Variants in CEP85L observed in about 807,000 individuals in gnomAD.
CEP85L encodes centrosomal protein of 85 kDa-like.
A neutral mutation model predicts 100.3 loss-of-function variants in CEP85L; 60 were observed. That is an observed-to-expected ratio of 0.60 (90% CI 0.49 to 0.74). The LOEUF (loss-of-function observed/expected upper bound fraction) is 0.74. Ranked by LOEUF, CEP85L falls within the 30% of genes least tolerant of loss-of-function variation. The probability of loss-of-function intolerance (pLI) is 0.00; values close to 1 mark genes in which losing one functional copy is unlikely to be tolerated. For missense variants in CEP85L, 973 were observed against 936.2 expected (o/e 1.04, Z -0.51); for synonymous variants, 319 against 322.7 (o/e 0.99, Z 0.12).
intron 1 of CEP85L, among the ~76,000 whole-genome samples, chr6:118,694,227 G>A (rs2114327689): frequency 6.6e-6 from 1 of 152,260 alleles, no homozygotes; most frequent in African/African-American, 2.4e-5. Flanking sequence ...ACTGCATCCA[G>A]CTTCAAGTCC....
chr6:118,630,990 C>T (rs914852989), intron 2 of CEP85L, among the ~76,000 whole-genome samples: 18 of 152,206 alleles, frequency 1.2e-4, no homozygotes, highest in African/African-American at 3.6e-4. Flanking sequence ...CACCCTGGTC[C>T]GTGGAAAAAC....
At chr6:118,689,609 T>C (rs1418491888) in intron 1 of CEP85L, among the ~76,000 whole-genome samples, 1 of 152,238 alleles carries the variant, frequency 6.6e-6, no homozygotes, top group Non-Finnish European at 1.5e-5. Context: ...TGATCAGTGC[T>C]TGTGAATATG....
chr6:118,510,184 T>C (rs190483756), intron 5 of CEP85L, among the ~76,000 whole-genome samples: 317 of 152,222 alleles, frequency 2.1e-3, no homozygotes, highest in African/African-American at 7.2e-3. Flanking sequence ...TTTGGTTAAA[T>C]AGGCTCATTT....
At chr6:118,660,929 G>GAA (rs1775953461) in intron 1 of CEP85L, among the ~76,000 whole-genome samples, 1 of 150,626 alleles carries the variant, frequency 6.6e-6, no homozygotes, top group Non-Finnish European at 1.5e-5. Flanking sequence ...ACTGTCGCCT[G>GAA]GACTGGAGTA....
At chr6:118,549,156 A>C (rs914002726) in intron 3 of CEP85L, among the ~76,000 whole-genome samples, 17 of 151,988 alleles carry the variant, frequency 1.1e-4, no homozygotes, top group Non-Finnish European at 7.4e-5. Context: ...TTATTTTGAC[A>C]CACGAATATT....
At chr6:118,563,288 T>C (rs1414186389) in intron 3 of CEP85L, among the ~76,000 whole-genome samples, 1 of 152,124 alleles carries the variant, frequency 6.6e-6, no homozygotes, top group Non-Finnish European at 1.5e-5. Flanking sequence ...AGAATGTGTG[T>C]CTGGCTCAAT....
At chr6:118,476,130 TC>T (rs1289957702) in intron 10 of CEP85L, among the ~76,000 whole-genome samples, 1 of 151,786 alleles carries the variant, frequency 6.6e-6, no homozygotes, top group Non-Finnish European at 1.5e-5. Flanking sequence ...CTCGTACAAC[TC>T]CCCCCCGCGA....
At chr6:118,581,381 C>A (rs1460827956) in intron 2 of CEP85L, among the ~76,000 whole-genome samples, 1 of 152,128 alleles carries the variant, frequency 6.6e-6, no homozygotes, top group Non-Finnish European at 1.5e-5. Flanking sequence ...ATAACCCCTC[C>A]ATTAAAGGGG....
intron 2 of CEP85L, among the ~76,000 whole-genome samples, chr6:118,578,294 C>T (rs1780360310): frequency 6.6e-6 from 1 of 152,208 alleles, no homozygotes; most frequent in South Asian, 2.1e-4. Flanking sequence ...AACAGACAGT[C>T]TCTCCCTCCC....
chr6:118,558,658 C>CAGAG (rs1210740872), intron 3 of CEP85L, among the ~76,000 whole-genome samples: 8 of 124,982 alleles, frequency 6.4e-5, no homozygotes, highest in Middle Eastern at 3.9e-3. Context: ...CACACACACA[C>CAGAG]ACAGAGAGAG....
chr6:118,635,313 T>C (rs1159030649), intron 1 of CEP85L, among the ~76,000 whole-genome samples: 1 of 152,190 alleles, frequency 6.6e-6, no homozygotes, highest in Non-Finnish European at 1.5e-5. Flanking sequence ...ATCCAGAATA[T>C]ATCTAGTGTG....
At chr6:118,549,539 A>G (rs1778413905) in intron 3 of CEP85L, among the ~76,000 whole-genome samples, 1 of 151,862 alleles carries the variant, frequency 6.6e-6, no homozygotes, top group Non-Finnish European at 1.5e-5. Flanking sequence ...TGTTAATTCT[A>G]TTGCTCACTA....
intron 4 of CEP85L, among the ~76,000 whole-genome samples, chr6:118,519,402 G>C (rs1457458633): frequency 6.8e-5 from 10 of 147,064 alleles, no homozygotes; most frequent in Admixed American, 2.1e-4. Flanking sequence ...TCGCGCCACC[G>C]CACTCCAGTC....
At chr6:118,648,585 C>CA (rs1429526312) in intron 1 of CEP85L, among the ~76,000 whole-genome samples, 12 of 151,686 alleles carry the variant, frequency 7.9e-5, no homozygotes, top group African/African-American at 2.4e-4. Flanking sequence ...ACTAAAAATA[C>CA]AAAAAAATAA....
chr6:118,556,391 A>G (rs2114955939), intron 3 of CEP85L, among the ~76,000 whole-genome samples: 1 of 152,316 alleles, frequency 6.6e-6, no homozygotes, highest in African/African-American at 2.4e-5. Context: ...ATGAAGGGGG[A>G]CAGAGTCTCA....
chr6:118,572,681 G>C (rs1779975581), intron 2 of CEP85L, among the ~76,000 whole-genome samples: 1 of 152,122 alleles, frequency 6.6e-6, no homozygotes, highest in Admixed American at 6.5e-5. Flanking sequence ...GCTATATAAA[G>C]TAATTCATCT....
At chr6:118,542,582 CAGAA>C (rs999020273) in intron 3 of CEP85L, among the ~76,000 whole-genome samples, 22 of 117,020 alleles carry the variant, frequency 1.9e-4, no homozygotes, top group African/African-American at 6.6e-4. Context: ...AACTACAGTA[CAGAA>C]AGATTCATTT....
chr6:118,645,341 C>A (rs1775112452), intron 1 of CEP85L, among the ~76,000 whole-genome samples: 1 of 152,314 alleles, frequency 6.6e-6, no homozygotes, highest in Middle Eastern at 3.4e-3. Context: ...GCTGCATCAT[C>A]TCACTATCTG....
intron 10 of CEP85L, 150 bp downstream of exon 10, chr6:118,479,721 T>C (rs1483822914): frequency 2.3e-6 from 1 of 430,696 alleles, no homozygotes; most frequent in Non-Finnish European, 4.2e-6. Context: ...AACTGGAAGA[T>C]TAATATTAAA....
Sources: allele counts gnomAD v4.1 joint callset (sites outside exome capture counted in the v4.1 genomes callset), GRCh38; gene constraint gnomAD v4.1.1; transcripts MANE v1.5; gene names NCBI Gene and HGNC (gene_info 2026-07-23, HGNC 2026-07-21).